Variants in GREB1L observed in about 807,000 individuals in gnomAD.
GREB1L encodes the protein GREB1-like protein.
In GREB1L, 17 loss-of-function variants were observed where a neutral mutation model predicts 200.8. That is an observed-to-expected ratio of 0.08 (90% CI 0.06 to 0.13). The LOEUF (loss-of-function observed/expected upper bound fraction) is 0.13, where lower values mean the gene tolerates loss of function less well. GREB1L is among the 10% of genes least tolerant of loss of function. GREB1L has a pLI of 1.00. For missense variants in GREB1L, 1,657 were observed against 2,367.7 expected (o/e 0.70, Z 6.23); for synonymous variants, 789 against 893.0 (o/e 0.88, Z 2.08).
chr18:21,340,438 A>C (rs1025210127), intron 1 of GREB1L, among the ~76,000 whole-genome samples: 1 of 152,022 alleles, frequency 6.6e-6, no homozygotes, highest in African/African-American at 2.4e-5. Context: ...AACAAACAAA[A>C]AAAACCACAT....
chr18:21,422,636 T>G (rs1418896025), intron 7 of GREB1L, among the ~76,000 whole-genome samples: 7 of 152,212 alleles, frequency 4.6e-5, no homozygotes, highest in Non-Finnish European at 8.8e-5. Flanking sequence ...TCCTCATTAA[T>G]TTTTTACTGC....
chr18:21,378,904 C>G (rs1423121436), intron 2 of GREB1L, among the ~76,000 whole-genome samples: 3 of 151,000 alleles, frequency 2.0e-5, no homozygotes, highest in African/African-American at 4.9e-5. Context: ...GGATCTTGCT[C>G]TGTCACCCAG....
At chr18:21,319,496 G>A (rs1056077653) in intron 1 of GREB1L, among the ~76,000 whole-genome samples, 17 of 151,816 alleles carry the variant, frequency 1.1e-4, no homozygotes, top group African/African-American at 3.7e-4. Flanking sequence ...AAGTTAGAAT[G>A]TTTTAGTTTT....
At chr18:21,329,399 G>A (rs1270762204) in intron 1 of GREB1L, among the ~76,000 whole-genome samples, 1 of 151,446 alleles carries the variant, frequency 6.6e-6, no homozygotes, top group Non-Finnish European at 1.5e-5. Context: ...TCTCTGAAGG[G>A]CAAAATAATG....
chr18:21,360,524 T>A (rs1438551967), intron 1 of GREB1L, among the ~76,000 whole-genome samples: 1 of 152,140 alleles, frequency 6.6e-6, no homozygotes, highest in Non-Finnish European at 1.5e-5. Context: ...CTGCACCCGG[T>A]GACTGATATT....
intron 1 of GREB1L, among the ~76,000 whole-genome samples, chr18:21,244,879 C>T (rs560561964): frequency 2.0e-5 from 3 of 152,174 alleles, no homozygotes; most frequent in Non-Finnish European, 4.4e-5. Context: ...ATTACTCTTA[C>T]CAAACTCTTC....
intron 18 of GREB1L, among the ~76,000 whole-genome samples, chr18:21,485,975 C>A (rs1873454011): frequency 6.6e-6 from 1 of 152,196 alleles, no homozygotes; most frequent in Admixed American, 6.5e-5. Context: ...GGCCATTGCA[C>A]TACTTTTCAT....
At chr18:21,497,811 A>AAC (rs2036606652) in intron 21 of GREB1L, among the ~76,000 whole-genome samples, 1 of 67,540 alleles carries the variant, frequency 1.5e-5, no homozygotes. Context: ...TCCCCTCACC[A>AAC]CCCCCCCCCC....
At chr18:21,486,783 T>A (rs1411175727) in intron 18 of GREB1L, among the ~76,000 whole-genome samples, 1 of 152,180 alleles carries the variant, frequency 6.6e-6, no homozygotes, top group Non-Finnish European at 1.5e-5. Flanking sequence ...CTCCACAATA[T>A]TCTGTTTGAT....
intron 21 of GREB1L, 74 bp downstream of exon 21, chr18:21,496,772 G>A: frequency 2.0e-6 from 3 of 1,486,642 alleles, no homozygotes; most frequent in Non-Finnish European, 2.7e-6. Context: ...GGAAGGCAGA[G>A]GCATTTACTG....
intron 1 of GREB1L, among the ~76,000 whole-genome samples, chr18:21,352,420 G>A (rs993374909): frequency 5.3e-5 from 8 of 151,474 alleles, no homozygotes; most frequent in African/African-American, 1.9e-4. Context: ...TAAGTTTGCA[G>A]TGTGCTTTTA....
intron 1 of GREB1L, among the ~76,000 whole-genome samples, chr18:21,268,291 G>A (rs531762358): frequency 1.4e-4 from 21 of 151,626 alleles, no homozygotes; most frequent in Admixed American, 9.9e-4. Context: ...GCACATTGCC[G>A]TGTGCCAAGT....
At chr18:21,507,477 A>G (rs1302773406) in intron 25 of GREB1L, among the ~76,000 whole-genome samples, 2 of 152,240 alleles carry the variant, frequency 1.3e-5, no homozygotes, top group African/African-American at 4.8e-5. Context: ...CCACATTAAA[A>G]GCGTGAAAAG....
intron 13 of GREB1L, among the ~76,000 whole-genome samples, chr18:21,451,859 C>A (rs540804673): frequency 4.1e-4 from 63 of 152,192 alleles, no homozygotes; most frequent in African/African-American, 1.5e-3. Flanking sequence ...AAGAGAGATA[C>A]AACATGTGAA....
At chr18:21,403,333 C>T (rs1330085998) in intron 6 of GREB1L, among the ~76,000 whole-genome samples, 1 of 152,164 alleles carries the variant, frequency 6.6e-6, no homozygotes, top group Non-Finnish European at 1.5e-5. Context: ...TTGGCTGTCT[C>T]CTTTAATAAG....
chr18:21,377,703 A>C (rs2040128914), intron 2 of GREB1L, among the ~76,000 whole-genome samples: 2 of 152,156 alleles, frequency 1.3e-5, no homozygotes, highest in Non-Finnish European at 1.5e-5. Flanking sequence ...GTGTCTCAAA[A>C]AATTTTTTTA....
At chr18:21,402,859 G>C (rs1330094952) in intron 6 of GREB1L, among the ~76,000 whole-genome samples, 1 of 151,776 alleles carries the variant, frequency 6.6e-6, no homozygotes, top group Non-Finnish European at 1.5e-5. Context: ...TGTGAAAGAA[G>C]CCTCACGTTT....
At chr18:21,400,849 G>A (rs535599342) in intron 5 of GREB1L, among the ~76,000 whole-genome samples, 3 of 152,266 alleles carry the variant, frequency 2.0e-5, no homozygotes, top group Middle Eastern at 3.4e-3. Flanking sequence ...ATTATATTAT[G>A]TGCTCTATTT....
intron 10 of GREB1L, among the ~76,000 whole-genome samples, chr18:21,443,436 AC>A (rs1200442165): frequency 6.6e-6 from 1 of 151,802 alleles, no homozygotes; most frequent in Non-Finnish European, 1.5e-5. Context: ...CAAACTCCCG[AC>A]CTCAGGTGAT....
Sources: gnomAD v4.1 joint callset for allele counts (sites outside exome capture counted in the v4.1 genomes callset) on GRCh38, gnomAD v4.1.1 for gene constraint, MANE v1.5 for transcripts, NCBI Gene and HGNC (gene_info 2026-07-23, HGNC 2026-07-21) for gene names.